COL26A1: variants seen among roughly 807,000 people sequenced by gnomAD.
COL26A1 encodes collagen type XXVI alpha 1 chain.
Under a neutral mutation model 59.3 loss-of-function variants are expected in COL26A1, and 41 were observed. That is an observed-to-expected ratio of 0.69 (90% CI 0.54 to 0.90). The LOEUF (loss-of-function observed/expected upper bound fraction) is 0.90, where lower values mean the gene tolerates loss of function less well. COL26A1 is among the 40% of genes least tolerant of loss of function. COL26A1 has a pLI of 0.00. For synonymous variants in COL26A1, 266 were observed against 256.0 expected, an observed-to-expected ratio of 1.04 and a Z score of -0.37; for missense variants, 612 against 602.3, an observed-to-expected ratio of 1.02 and a Z score of -0.17.
Position 101,363,146 on chromosome 7 carries a change from C to T in COL26A1, c.114C>T (p.Pro38=), listed in dbSNP as rs1790939233. 4 of 1,514,468 alleles carry T rather than the reference C, an allele frequency of 2.6e-6. No homozygotes were observed. The highest frequency in any genetic ancestry group is 2.0e-5 in the Admixed American group (1 of 49,710). 93.8% of individuals were successfully genotyped at this position (1,514,468 alleles called of 1,614,324 possible). The part of the protein sequence containing the change: ...SAAALQQHGY[P]EPGAGSPGSG... Reference sequence around the variant, plus strand: ...CAGCTCTGCAGCAGCACGGCTACCCCGAGCCCGGCGCCGGCTCCCCTGGCA... The same window carrying T: ...CAGCTCTGCAGCAGCACGGCTACCCTGAGCCCGGCGCCGGCTCCCCTGGCA... Residue 38 remains proline, a synonymous_variant, in exon 1 of 13, where the codon CCC becomes CCT. Transcript: ENST00000313669.
At chr7:101,364,588 T>C (rs1042391138) in intron 1 of COL26A1, among the ~76,000 whole-genome samples, 7 of 146,090 alleles carry the variant, frequency 4.8e-5, no homozygotes, top group Admixed American at 4.8e-4. Context: ...TTTTTTTTTT[T>C]AATATAGGGT....
At chr7:101,514,773 C>T (rs1239139882) in intron 3 of COL26A1, among the ~76,000 whole-genome samples, 1 of 152,240 alleles carries the variant, frequency 6.6e-6, no homozygotes, top group African/African-American at 2.4e-5. Flanking sequence ...GCTGCCCTTC[C>T]CTTGTACTTG....
chr7:101,454,402 G>GCA (rs1162543270), intron 3 of COL26A1, among the ~76,000 whole-genome samples: 3 of 151,686 alleles, frequency 2.0e-5, no homozygotes, highest in African/African-American at 7.3e-5. Flanking sequence ...GGGATTACAG[G>GCA]TGCCCGCCAC....
intron 1 of COL26A1, among the ~76,000 whole-genome samples, chr7:101,367,656 CTCTG>C (rs1432417503): frequency 7.1e-6 from 1 of 140,914 alleles, no homozygotes; most frequent in Non-Finnish European, 1.5e-5. Context: ...CAGAGTGAGA[CTCTG>C]TCTCAAAAAA....
At chr7:101,418,521 T>A (rs1293069394) in intron 1 of COL26A1, among the ~76,000 whole-genome samples, 2 of 152,118 alleles carry the variant, frequency 1.3e-5, no homozygotes, top group African/African-American at 2.4e-5. Flanking sequence ...CAGGCTAGAG[T>A]GCAGTGGCAT....
intron 1 of COL26A1, among the ~76,000 whole-genome samples, chr7:101,388,195 G>A (rs1217263382): frequency 6.6e-6 from 1 of 151,806 alleles, no homozygotes; most frequent in East Asian, 2.0e-4. Context: ...ACTCTGGGCC[G>A]GGCGCCGTGG....
intron 3 of COL26A1, among the ~76,000 whole-genome samples, chr7:101,448,672 T>G (rs2130381451): frequency 6.6e-6 from 1 of 152,158 alleles, no homozygotes; most frequent in Non-Finnish European, 1.5e-5. Context: ...TTTTGTATGA[T>G]TTTTAGAGAC....
chr7:101,388,574 T>C (rs202020619), intron 1 of COL26A1, among the ~76,000 whole-genome samples: 1 of 142,676 alleles, frequency 7.0e-6, no homozygotes, highest in African/African-American at 2.9e-5. Context: ...TATTTTCTTT[T>C]TTTTTTTTTG....
chr7:101,414,636 C>T (rs1216285967), intron 1 of COL26A1, among the ~76,000 whole-genome samples: 1 of 152,144 alleles, frequency 6.6e-6, no homozygotes, highest in Non-Finnish European at 1.5e-5. Flanking sequence ...GAGGTTTTGC[C>T]ATGTTGGCCA....
intron 2 of COL26A1, among the ~76,000 whole-genome samples, chr7:101,446,972 A>G (rs1184868098): frequency 6.6e-6 from 1 of 151,960 alleles, no homozygotes; most frequent in Non-Finnish European, 1.5e-5. Context: ...GTTTTTAAAG[A>G]CAATTTGGTG....
chr7:101,384,012 G>GTTTGTTTGTTTA (rs145059463), intron 1 of COL26A1, among the ~76,000 whole-genome samples: 8,427 of 151,624 alleles, frequency 0.056, 522 homozygotes, highest in African/African-American at 0.14. Context: ...TTGCAAGTTT[G>GTTTGTTTGTTTA]TTTATTTATT....
chr7:101,437,533 A>C (rs563510898), intron 2 of COL26A1, among the ~76,000 whole-genome samples: 60 of 152,164 alleles, frequency 3.9e-4, no homozygotes, highest in African/African-American at 1.4e-3. Context: ...GCCAGATGGC[A>C]GAAGTCCACA....
intron 3 of COL26A1, among the ~76,000 whole-genome samples, chr7:101,467,900 C>T (rs1199515914): frequency 6.6e-6 from 1 of 151,932 alleles, no homozygotes; most frequent in East Asian, 1.9e-4. Context: ...AAGAAGGAGC[C>T]GCCATGTTGA....
rs115187073 is a variant in COL26A1, at chr7:101,381,661, T to C, written c.158+18471T>C. On this transcript the variant is annotated intron_variant, in intron 1 of 12. Transcript: ENST00000313669. Reference sequence around the variant, plus strand: ...GCCCTTTTACAATCCGTATAATCTATTCGTGAGGGTGGAGCTTTTATGACC... The same window carrying C: ...GCCCTTTTACAATCCGTATAATCTACTCGTGAGGGTGGAGCTTTTATGACC... Among the ~76,000 whole-genome samples the C allele has an allele frequency of 1.5e-3, 230 of 152,278 alleles. 1 individual carries two copies. Among genetic ancestry groups the C allele is most frequent in the African/African-American group, 5.2e-3 (216 of 41,564 alleles).
At chr7:101,382,257 C>G (rs1482930289) in intron 1 of COL26A1, among the ~76,000 whole-genome samples, 2 of 152,070 alleles carry the variant, frequency 1.3e-5, no homozygotes, top group Admixed American at 6.6e-5. Flanking sequence ...CTATCTTGTC[C>G]AGGCTGGTCT....
intron 3 of COL26A1, among the ~76,000 whole-genome samples, chr7:101,527,246 C>T (rs1428751011): frequency 6.6e-6 from 1 of 152,200 alleles, no homozygotes. Flanking sequence ...GCTGGGATGA[C>T]ACGCATGAGC....
At chr7:101,502,898 G>A in intron 3 of COL26A1, among the ~76,000 whole-genome samples, 1 of 152,166 alleles carries the variant, frequency 6.6e-6, no homozygotes, top group Non-Finnish European at 1.5e-5. Context: ...CTAAGGGGCG[G>A]GAGCTGCTCT....
chr7:101,399,211 C>A (rs182910827), intron 1 of COL26A1, among the ~76,000 whole-genome samples: 1 of 151,196 alleles, frequency 6.6e-6, no homozygotes, highest in African/African-American at 2.4e-5. Flanking sequence ...GAGGCTGAGG[C>A]GAGAGGATTG....
intron 1 of COL26A1, among the ~76,000 whole-genome samples, chr7:101,363,528 T>TGGGGCGCGGGGCGC (rs879320282): frequency 6.3e-4 from 39 of 62,354 alleles, no homozygotes; most frequent in African/African-American, 1.5e-3. Flanking sequence ...GATTGGGGGC[T>TGGGGCGCGGGGCGC]GGGGCGCGGG....
Sources: allele counts gnomAD v4.1 joint callset (sites outside exome capture counted in the v4.1 genomes callset), GRCh38; gene constraint gnomAD v4.1.1; transcripts MANE v1.5; gene names NCBI Gene and HGNC (gene_info 2026-07-23, HGNC 2026-07-21).